ZFYVE9: variants seen among roughly 807,000 people sequenced by gnomAD.
ZFYVE9 encodes the protein zinc finger FYVE-type containing 9.
In ZFYVE9, 43 loss-of-function variants were observed where a neutral mutation model predicts 126.7. That is an observed-to-expected ratio of 0.34 (90% CI 0.27 to 0.44). ZFYVE9 has a LOEUF of 0.44. Among genes scored for constraint, ZFYVE9 ranks in the 20% least tolerant of loss-of-function variants. The pLI is 1.00. For missense variants in ZFYVE9, 1,476 were observed against 1,697.0 expected, an observed-to-expected ratio of 0.87 and a Z score of 2.29; for synonymous variants, 521 against 597.4, an observed-to-expected ratio of 0.87 and a Z score of 1.87.
chr1:52,214,275 A>C (rs1390727712), intron 1 of ZFYVE9, among the ~76,000 whole-genome samples: 4 of 152,076 alleles, frequency 2.6e-5, no homozygotes, highest in African/African-American at 4.8e-5. Context: ...AAACATACAA[A>C]AATTAGCTGG....
intron 4 of ZFYVE9, among the ~76,000 whole-genome samples, chr1:52,248,864 A>G (rs1319537067): frequency 6.6e-6 from 1 of 152,168 alleles, no homozygotes; most frequent in Non-Finnish European, 1.5e-5. Flanking sequence ...CTGCAGTTGC[A>G]CAATTTTCCA....
At chr1:52,286,232 T>C (rs1419271131) in intron 10 of ZFYVE9, among the ~76,000 whole-genome samples, 1 of 152,182 alleles carries the variant, frequency 6.6e-6, no homozygotes, top group Non-Finnish European at 1.5e-5. Flanking sequence ...TGACAAATTG[T>C]ATCTTAAATT....
chr1:52,147,836 T>C (rs1455111549), intron 1 of ZFYVE9, among the ~76,000 whole-genome samples: 1 of 152,214 alleles, frequency 6.6e-6, no homozygotes, highest in African/African-American at 2.4e-5. Flanking sequence ...ACCTGCGTTG[T>C]ATGAAGGTTC....
intron 1 of ZFYVE9, among the ~76,000 whole-genome samples, chr1:52,186,262 A>AC (rs774880617): frequency 3.6e-4 from 47 of 131,258 alleles, no homozygotes; most frequent in Middle Eastern, 4.0e-3. Flanking sequence ...ACAAAACAAA[A>AC]CCCAAAAAAC....
intron 13 of ZFYVE9, among the ~76,000 whole-genome samples, chr1:52,311,847 A>G (rs1384658923): frequency 6.6e-6 from 1 of 151,416 alleles, no homozygotes; most frequent in African/African-American, 2.4e-5. Flanking sequence ...CTGGAGTGCA[A>G]TAGTACAATC....
chr1:52,323,619 AAGT>A (rs951755941), intron 13 of ZFYVE9, among the ~76,000 whole-genome samples: 7 of 152,152 alleles, frequency 4.6e-5, no homozygotes, highest in Non-Finnish European at 1.0e-4. Context: ...TACAAAATAA[AAGT>A]AGGCCAGAGG....
intron 4 of ZFYVE9, among the ~76,000 whole-genome samples, chr1:52,245,557 AC>A (rs2124639382): frequency 6.6e-6 from 1 of 152,364 alleles, no homozygotes; most frequent in African/African-American, 2.4e-5. Context: ...TTTACAAGTG[AC>A]AAAATAGGCC....
At chr1:52,305,673 C>T (rs1430502334) in intron 13 of ZFYVE9, among the ~76,000 whole-genome samples, 1 of 152,094 alleles carries the variant, frequency 6.6e-6, no homozygotes, top group African/African-American at 2.4e-5. Context: ...GGCTGCAGAC[C>T]TGGGCCTTCT....
At chr1:52,181,624 A>G (rs1644704812) in intron 1 of ZFYVE9, among the ~76,000 whole-genome samples, 1 of 138,906 alleles carries the variant, frequency 7.2e-6, no homozygotes, top group African/African-American at 2.8e-5. Flanking sequence ...CCGCCATCCC[A>G]TCTAGGAAGT....
Position 52,281,781 on chromosome 1 carries a change from A to C in ZFYVE9, c.2990A>C (p.Asn997Thr). 1 of 1,614,206 alleles carries C rather than the reference A, an allele frequency of 6.2e-7. No individual in the cohort carries two copies. Among genetic ancestry groups the C allele is most frequent in the Non-Finnish European group, 8.5e-7 (1 of 1,180,038 alleles). Residue 997 changes from asparagine to threonine, a missense_variant, in exon 10 of 19, where the codon AAT (asparagine) becomes ACT (threonine). By Grantham distance (65) the Asn-to-Thr change is moderately conservative (BLOSUM62 0). Coordinates refer to ENST00000287727, the MANE Select transcript of ZFYVE9 (RefSeq NM_004799.4). ...DEKCLPKDIFNHFVQLYRDAL... is the reference protein window; with the variant it reads ...DEKCLPKDIFTHFVQLYRDAL... Reference sequence around the variant, plus strand: ...AAGTGTTTGCCAAAGGATATCTTTAATCACTTTGTGCAGCTTTATCGGGAT... The same window carrying C: ...AAGTGTTTGCCAAAGGATATCTTTACTCACTTTGTGCAGCTTTATCGGGAT...
chr1:52,321,880 T>C (rs1646243604), intron 13 of ZFYVE9, among the ~76,000 whole-genome samples: 1 of 152,250 alleles, frequency 6.6e-6, no homozygotes, highest in Non-Finnish European at 1.5e-5. Flanking sequence ...TATTAGTTCT[T>C]GTAAGTCTTA....
intron 1 of ZFYVE9, among the ~76,000 whole-genome samples, chr1:52,172,716 C>T (rs1166681720): frequency 3.3e-5 from 5 of 151,776 alleles, no homozygotes; most frequent in East Asian, 1.9e-4. Context: ...AGGTCCTTCA[C>T]GTCCCTTGTA....
chr1:52,272,779 C>T (rs1645707306), intron 7 of ZFYVE9, among the ~76,000 whole-genome samples: 1 of 150,192 alleles, frequency 6.7e-6, no homozygotes, highest in Non-Finnish European at 1.5e-5. Context: ...AAGCAATTCT[C>T]CTGCCTCGGC....
intron 4 of ZFYVE9, among the ~76,000 whole-genome samples, chr1:52,248,057 C>T (rs184260241): frequency 1.4e-4 from 21 of 152,082 alleles, no homozygotes; most frequent in South Asian, 8.3e-4. Context: ...TGTATATATA[C>T]GAGAGTTTAT....
At chr1:52,344,541 C>A (rs1329754156) in intron 17 of ZFYVE9, among the ~76,000 whole-genome samples, 1 of 152,046 alleles carries the variant, frequency 6.6e-6, no homozygotes, top group Non-Finnish European at 1.5e-5. Context: ...GTTAGGCAGG[C>A]TGCTGCTGTC....
intron 1 of ZFYVE9, among the ~76,000 whole-genome samples, chr1:52,186,103 G>A (rs182911811): frequency 4.9e-4 from 74 of 151,528 alleles, no homozygotes; most frequent in African/African-American, 1.6e-3. Context: ...AGCTGGGCTT[G>A]GTGGCAGGCA....
intron 13 of ZFYVE9, among the ~76,000 whole-genome samples, chr1:52,318,022 TAGAAG>T (rs1473500823): frequency 6.6e-6 from 1 of 151,082 alleles, no homozygotes; most frequent in Non-Finnish European, 1.5e-5. Context: ...ACCAAGAAAA[TAGAAG>T]AGAAGGAATC....
At chr1:52,324,085 A>C (rs1460848266) in intron 13 of ZFYVE9, among the ~76,000 whole-genome samples, 1 of 151,992 alleles carries the variant, frequency 6.6e-6, no homozygotes, top group Non-Finnish European at 1.5e-5. Context: ...CCACAAAAAA[A>C]CAAATGAAAA....
At chr1:52,261,184 G>A (rs1422255829) in intron 4 of ZFYVE9, among the ~76,000 whole-genome samples, 9 of 149,612 alleles carry the variant, frequency 6.0e-5, no homozygotes, top group African/African-American at 2.0e-4. Context: ...TTTGAAACAC[G>A]TGATTTATAT....
Sources: gnomAD v4.1 joint callset for allele counts (sites outside exome capture counted in the v4.1 genomes callset) on GRCh38, gnomAD v4.1.1 for gene constraint, MANE v1.5 for transcripts, NCBI Gene and HGNC (gene_info 2026-07-23, HGNC 2026-07-21) for gene names.